The following TNRC6A variants were observed in gnomAD, a reference collection of about 807,000 sequenced individuals.
TNRC6A encodes the protein trinucleotide repeat containing adaptor 6A, also known as trinucleotide repeat-containing gene 6A protein.
Under a neutral mutation model 221.2 loss-of-function variants are expected in TNRC6A, and 44 were observed. The ratio of observed to expected loss-of-function variants is 0.20; its 90% CI spans 0.16 to 0.26. The LOEUF is 0.26. TNRC6A is among the 10% of genes least tolerant of loss of function. The pLI is 1.00. For missense variants in TNRC6A, 2,199 were observed against 2,404.4 expected (o/e 0.91, Z 1.79); for synonymous variants, 847 against 838.5 (o/e 1.01, Z -0.18).
intron 2 of TNRC6A, among the ~76,000 whole-genome samples, chr16:24,747,886 G>A (rs895083347): frequency 2.0e-5 from 3 of 152,134 alleles, no homozygotes; most frequent in African/African-American, 7.2e-5. Flanking sequence ...TGAGAAAGGA[G>A]AAAATACTCC....
chr16:24,766,304 C>G (rs993137502), intron 4 of TNRC6A, among the ~76,000 whole-genome samples: 1 of 152,146 alleles, frequency 6.6e-6, no homozygotes, highest in Non-Finnish European at 1.5e-5. Context: ...AATTTATGGA[C>G]TCACAAAGAG....
intron 2 of TNRC6A, among the ~76,000 whole-genome samples, chr16:24,657,581 C>T (rs2054943924): frequency 6.6e-6 from 1 of 151,890 alleles, no homozygotes; most frequent in Non-Finnish European, 1.5e-5. Flanking sequence ...TGATGGCACG[C>T]ACCTGTAATC....
intron 2 of TNRC6A, among the ~76,000 whole-genome samples, chr16:24,718,749 T>G (rs2056358868): frequency 6.6e-6 from 1 of 151,908 alleles, no homozygotes; most frequent in African/African-American, 2.4e-5. Context: ...TTGAGAGAGA[T>G]AAGCAGGCTG....
At chr16:24,648,943 G>A (rs139037386) in intron 2 of TNRC6A, among the ~76,000 whole-genome samples, 23 of 151,908 alleles carry the variant, frequency 1.5e-4, no homozygotes, top group Admixed American at 1.2e-3. Flanking sequence ...TCATGAAATC[G>A]GTGGCACATC....
rs538416867 is a variant in TNRC6A at position 24,730,191 on chromosome 16, C to T, written c.6-62C>T. ...CTCTGCCGCAGCAGCTCCGTTTTCA[C>T]GCGCATCTCGTTTTTGTGTGTGTGT... is the stretch of plus-strand genomic sequence containing the variant. On this transcript the variant is annotated intron_variant, in intron 1 of 24. Transcript: ENST00000395799. 1.5e-4 allele frequency: 220 copies of T among 1,503,982 alleles called. 1 individual carries two copies. The highest frequency in any genetic ancestry group is 1.6e-4 in the Non-Finnish European group (182 of 1,129,068). 93.2% of individuals were successfully genotyped at this position (1,503,982 alleles called of 1,614,324 possible). A position where few individuals can be genotyped will look rare whatever the true frequency, so the allele number is the denominator to read the frequency against.
Position 24,777,352 on chromosome 16 carries a change from C to T in TNRC6A, c.583C>T (p.Gln195Ter). 1 of 1,607,454 alleles carries T rather than the reference C, an allele frequency of 6.2e-7. No homozygotes were observed. The highest frequency in any genetic ancestry group is 8.5e-7 in the Non-Finnish European group (1 of 1,178,148). The change falls in exon 5 of 25, where the codon CAG becomes TAG. Residue 195 changes from glutamine to a stop codon, truncating the protein, a stop_gained. Coordinates refer to ENST00000395799, the MANE Select transcript of TNRC6A (RefSeq NM_014494.4). LOFTEE classifies it high-confidence loss of function. Reference sequence around the variant, plus strand: ...CGGAGAGGTGCAGAACAGCAAAAACCAGTCAGGTGAGAGAAGGCATTTCTT... The same window carrying T: ...CGGAGAGGTGCAGAACAGCAAAAACTAGTCAGGTGAGAGAAGGCATTTCTT... ...NNGEVQNSKN[Q>*]SDINHSTSGS...
chr16:24,692,443 G>A (rs1003403879), intron 2 of TNRC6A, among the ~76,000 whole-genome samples: 8 of 152,020 alleles, frequency 5.3e-5, no homozygotes, highest in African/African-American at 1.5e-4. Context: ...GGTGGTGGGC[G>A]CCTGTAGTCC....
chr16:24,763,469 C>T (rs571830987), intron 4 of TNRC6A, among the ~76,000 whole-genome samples: 11 of 152,174 alleles, frequency 7.2e-5, no homozygotes, highest in Non-Finnish European at 1.2e-4. Flanking sequence ...AGTTTGTCCC[C>T]TTCTCATTAA....
intron 2 of TNRC6A, among the ~76,000 whole-genome samples, chr16:24,699,842 G>A (rs544589173): frequency 4.6e-5 from 7 of 152,222 alleles, no homozygotes; most frequent in African/African-American, 1.7e-4. Context: ...CTGAGGACTT[G>A]AGGGGTAAGA....
intron 2 of TNRC6A, among the ~76,000 whole-genome samples, chr16:24,712,761 T>C (rs531195384): frequency 6.6e-6 from 1 of 152,300 alleles, no homozygotes; most frequent in South Asian, 2.1e-4. Context: ...TGTTCTGTTT[T>C]ATTTTGTTTC....
At chr16:24,805,793 C>T in intron 15 of TNRC6A, 60 bp downstream of exon 15, 2 of 1,606,538 alleles carry the variant, frequency 1.2e-6, no homozygotes, top group Non-Finnish European at 1.7e-6. Context: ...GTATGCCAAA[C>T]ACTAGACTCT....
intron 2 of TNRC6A, among the ~76,000 whole-genome samples, chr16:24,659,597 T>C (rs1257443063): frequency 6.6e-6 from 1 of 152,098 alleles, no homozygotes; most frequent in East Asian, 1.9e-4. Context: ...TGTGCACCAC[T>C]ATGCCAGGAT....
chr16:24,749,280 A>G (rs1303316391), intron 2 of TNRC6A, among the ~76,000 whole-genome samples: 1 of 152,054 alleles, frequency 6.6e-6, no homozygotes, highest in Non-Finnish European at 1.5e-5. Context: ...ATCTGTGTGA[A>G]GGGTGTTGAT....
chr16:24,719,724 C>T (rs1350480710), intron 2 of TNRC6A, among the ~76,000 whole-genome samples: 13 of 151,288 alleles, frequency 8.6e-5, no homozygotes, highest in Admixed American at 6.6e-4. Flanking sequence ...GTCTGTAGTC[C>T]CAGCAACTCA....
At chr16:24,746,316 T>G (rs2057009611) in intron 2 of TNRC6A, among the ~76,000 whole-genome samples, 1 of 152,152 alleles carries the variant, frequency 6.6e-6, no homozygotes, top group South Asian at 2.1e-4. Context: ...ATCCCAGTAC[T>G]TTGGTAGGCC....
At chr16:24,688,403 C>T (rs2142107820) in intron 2 of TNRC6A, among the ~76,000 whole-genome samples, 1 of 152,274 alleles carries the variant, frequency 6.6e-6, no homozygotes, top group Non-Finnish European at 1.5e-5. Context: ...CGGCCCTTTC[C>T]ACCTCCTCTC....
intron 2 of TNRC6A, among the ~76,000 whole-genome samples, chr16:24,668,193 T>C (rs1226283651): frequency 1.3e-5 from 2 of 151,878 alleles, no homozygotes; most frequent in Non-Finnish European, 2.9e-5. Flanking sequence ...CCAGGCGTGG[T>C]GGCGCATGCC....
intron 1 of TNRC6A, among the ~76,000 whole-genome samples, chr16:24,614,723 G>A (rs901012142): frequency 7.2e-5 from 11 of 152,186 alleles, no homozygotes. Context: ...AAGGCCCCCA[G>A]GCAGGAAGCC....
intron 2 of TNRC6A, 125 bp downstream of exon 2, chr16:24,730,425 G>A (rs935601820): frequency 1.0e-4 from 115 of 1,122,636 alleles, no homozygotes; most frequent in Non-Finnish European, 1.4e-4. Flanking sequence ...GCAGACATTC[G>A]GGAGAAGCGG....
Sources: gnomAD v4.1 joint callset for allele counts (sites outside exome capture counted in the v4.1 genomes callset) on GRCh38, gnomAD v4.1.1 for gene constraint, MANE v1.5 for transcripts, NCBI Gene and HGNC (gene_info 2026-07-23, HGNC 2026-07-21) for gene names.